Variants in MAP3K7 observed in about 807,000 individuals in gnomAD.
The protein encoded by MAP3K7 is TGF-beta activated kinase 1.
A neutral mutation model predicts 84.8 loss-of-function variants in MAP3K7; 21 were observed. The observed-to-expected ratio is 0.25, with a 90% CI of 0.18 to 0.36. The LOEUF (loss-of-function observed/expected upper bound fraction) is 0.36, where lower values mean the gene tolerates loss of function less well. MAP3K7 is among the 10% of genes least tolerant of loss of function. The pLI, the probability that MAP3K7 is intolerant of heterozygous loss-of-function variation, is 1.00. For synonymous variants in MAP3K7, 241 were observed against 247.7 expected, an observed-to-expected ratio of 0.97 and a Z score of 0.25; for missense variants, 503 against 747.7, an observed-to-expected ratio of 0.67 and a Z score of 3.82.
chr6:90,523,862 CAAG>C, intron 13 of MAP3K7, 79 bp from the exon 14 acceptor site: 1 of 806,882 alleles, frequency 1.2e-6, no homozygotes. Context: ...CATTAAAAGG[CAAG>C]AAGAGACTTA....
rs1359798338 is a variant in MAP3K7 at position 90,550,536 on chromosome 6, G to A, written c.881C>T (p.Ala294Val). ...MTHLMRYFPG[A>V]DEPLQYPCQY... ...ACAAGGATACTGTAATGGCTCATCTGCTCCTGGAAAGTACTATATATAAAA... is the reference window on the plus strand; with the variant it reads ...ACAAGGATACTGTAATGGCTCATCTACTCCTGGAAAGTACTATATATAAAA... The change falls in exon 9 of 17, where the codon GCA becomes GTA. Residue 294 changes from alanine to valine, a missense_variant. Physicochemically the swap from Ala to Val is moderately conservative, Grantham distance 64. This residue lies in a region of MAP3K7 where 286 missense variants were observed against 313.6 expected (regional missense o/e 0.91). Transcript: ENST00000369329. The A allele has an allele frequency of 6.2e-7, 1 of 1,607,858 alleles. No homozygotes were observed. The highest frequency in any genetic ancestry group is 1.7e-5 in the Admixed American group (1 of 59,764).
chr6:90,578,379 T>C (rs968360351), intron 1 of MAP3K7, among the ~76,000 whole-genome samples: 1 of 152,138 alleles, frequency 6.6e-6, no homozygotes, highest in Non-Finnish European at 1.5e-5. Context: ...CTGAAGTGAT[T>C]CTCCTGCCTC....
At chr6:90,557,169 C>G (rs1239073162) in intron 5 of MAP3K7, among the ~76,000 whole-genome samples, 2 of 152,118 alleles carry the variant, frequency 1.3e-5, no homozygotes, top group Admixed American at 1.3e-4. Context: ...TCTATTATAG[C>G]TAAAATGACC....
At position 90,556,601 on chromosome 6, in the gene MAP3K7, G is replaced by A; in HGVS notation, c.506C>T (p.Thr169Ile). Residue 169 changes from threonine to isoleucine, a missense_variant, in exon 6 of 17, where the codon ACA (threonine) becomes ATA (isoleucine). Around this residue, in one of 5 missense-constraint regions of MAP3K7, gnomAD observed 97 missense variants for 270.8 expected, o/e 0.36. Transcript: ENST00000369329. Reference protein sequence around the residue: ...PPNLLLVAGGTVLKICDFGTA... With the variant: ...PPNLLLVAGGIVLKICDFGTA... ...ACCAAAATCACAAATTTTTAGAACTGTCCCCCCTGCAACCAGCAGTAAGCT... is the reference window on the plus strand; with the variant it reads ...ACCAAAATCACAAATTTTTAGAACTATCCCCCCTGCAACCAGCAGTAAGCT... 1 of 1,609,972 alleles carries A rather than the reference G, an allele frequency of 6.2e-7. No homozygotes were observed. Among genetic ancestry groups the A allele is most frequent in the Non-Finnish European group, 8.5e-7 (1 of 1,178,444 alleles).
intron 13 of MAP3K7, among the ~76,000 whole-genome samples, chr6:90,531,586 AC>A (rs1775505793): frequency 6.6e-6 from 1 of 152,160 alleles, no homozygotes; most frequent in Non-Finnish European, 1.5e-5. Flanking sequence ...TTTTGGCTTC[AC>A]TACAGTTTTT....
intron 3 of MAP3K7, among the ~76,000 whole-genome samples, chr6:90,562,768 C>T (rs1776569199): frequency 6.6e-6 from 1 of 152,228 alleles, no homozygotes; most frequent in South Asian, 2.1e-4. Context: ...AACGGACAGA[C>T]TGCCTTCTCA....
intron 12 of MAP3K7, among the ~76,000 whole-genome samples, chr6:90,541,606 T>C (rs1041996917): frequency 6.6e-6 from 1 of 151,934 alleles, no homozygotes; most frequent in Non-Finnish European, 1.5e-5. Context: ...GTAGAAGAGG[T>C]ATAAAAAATT....
intron 7 of MAP3K7, 145 bp from the exon 8 acceptor site, chr6:90,552,324 T>C: frequency 1.4e-6 from 1 of 714,322 alleles, no homozygotes; most frequent in Non-Finnish European, 2.2e-6. Context: ...AAGTGCTTTG[T>C]AATTTTATCA....
chr6:90,540,677 A>C (rs957200618), intron 12 of MAP3K7, among the ~76,000 whole-genome samples: 1 of 151,874 alleles, frequency 6.6e-6, no homozygotes, highest in Non-Finnish European at 1.5e-5. Context: ...TTATTTCCTT[A>C]AATGCTATAA....
In MAP3K7 at chr6:90,552,160, T is replaced by C. The variant is rs1358054091; in HGVS notation, c.756A>G (p.Ile252Met). ...AVHNGTRPPL[I>M]KNLPKPIESL... is the part of the protein sequence containing the mutation. ...TCTCAATGGGCTTAGGTAAATTTTT[T>C]ATCAGTGGTGGTCGAGTACCTACAA... The change falls in exon 8 of 17, where the codon ATA (isoleucine) becomes ATG (methionine). Residue 252 changes from isoleucine to methionine, a missense_variant. Physicochemically the swap from Ile to Met is conservative, Grantham distance 10 (BLOSUM62 1). Around this residue, in one of 5 missense-constraint regions of MAP3K7, gnomAD observed 286 missense variants for 313.6 expected, o/e 0.91. Coordinates refer to ENST00000369329, the MANE Select transcript of MAP3K7 (RefSeq NM_145331.3). 6.2e-7 allele frequency: 1 copy of C among 1,610,856 alleles called. No homozygotes were observed. The highest frequency in any genetic ancestry group is 8.5e-7 in the Non-Finnish European group (1 of 1,177,472).
At chr6:90,558,709 T>C (rs997103682) in intron 5 of MAP3K7, among the ~76,000 whole-genome samples, 5 of 152,192 alleles carry the variant, frequency 3.3e-5, no homozygotes, top group Admixed American at 6.5e-5. Flanking sequence ...GGATAGTCAT[T>C]TAAACCATGT....
chr6:90,571,920 AAAAAAAAAAC>A (rs946640334), intron 1 of MAP3K7, 113 bp from the exon 2 acceptor site: 1 of 502,916 alleles, frequency 2.0e-6, no homozygotes, highest in Non-Finnish European at 3.4e-6. Flanking sequence ...TAAATTAAAA[AAAAAAAAAAC>A]ATGGAAATCA....
intron 13 of MAP3K7, 41 bp from the exon 14 acceptor site, chr6:90,523,824 T>C: frequency 8.3e-7 from 1 of 1,199,706 alleles, no homozygotes; most frequent in South Asian, 1.2e-5. Context: ...TGTGATTTTT[T>C]GATTAAAAAA....
intron 13 of MAP3K7, among the ~76,000 whole-genome samples, chr6:90,528,459 G>A (rs1775394153): frequency 6.6e-6 from 1 of 152,126 alleles, no homozygotes; most frequent in South Asian, 2.1e-4. Context: ...TCTTTATCTG[G>A]AGAGGGGTTG....
At chr6:90,578,982 T>G (rs1474055875) in intron 1 of MAP3K7, among the ~76,000 whole-genome samples, 1 of 152,184 alleles carries the variant, frequency 6.6e-6, no homozygotes, top group East Asian at 1.9e-4. Context: ...GATTTTTTAT[T>G]CCTACCTTAG....
intron 2 of MAP3K7, among the ~76,000 whole-genome samples, chr6:90,569,918 A>C (rs1343040251): frequency 6.6e-6 from 1 of 152,122 alleles, no homozygotes. Flanking sequence ...GCTCATATTC[A>C]GTACACTAAT....
intron 16 of MAP3K7, among the ~76,000 whole-genome samples, chr6:90,516,933 A>G (rs888531720): frequency 4.6e-5 from 7 of 151,974 alleles, no homozygotes; most frequent in Non-Finnish European, 1.0e-4. Flanking sequence ...TGGTAAAATA[A>G]AAGTTTCAGA....
intron 1 of MAP3K7, 42 bp downstream of exon 1, chr6:90,586,722 G>C: frequency 6.5e-7 from 1 of 1,545,766 alleles, no homozygotes; most frequent in Non-Finnish European, 8.7e-7. Flanking sequence ...GGCGGGGGCG[G>C]GGCAGGCCGG....
At chr6:90,535,474 T>C (rs7747682) in intron 13 of MAP3K7, among the ~76,000 whole-genome samples, 2,786 of 152,022 alleles carry the variant, frequency 0.018, 98 homozygotes, top group African/African-American at 0.064. Flanking sequence ...AACAATTTCA[T>C]TACTTAATTT....
Sources: allele counts gnomAD v4.1 joint callset (sites outside exome capture counted in the v4.1 genomes callset), GRCh38; gene constraint gnomAD v4.1.1; regional missense constraint gnomAD v4.1.1; transcripts MANE v1.5; gene names NCBI Gene and HGNC (gene_info 2026-07-23, HGNC 2026-07-21).